GNG7: variants seen among roughly 807,000 people sequenced by gnomAD.
GNG7 encodes the protein G protein subunit gamma 7, also known as guanine nucleotide-binding protein G(I)/G(S)/G(O) subunit gamma-7.
A neutral mutation model predicts 4.0 loss-of-function variants in GNG7; 1 was observed. That is an observed-to-expected ratio of 0.25 (90% CI 0.09 to 1.18). The LOEUF is 1.18. Ranked by LOEUF, GNG7 falls within the 50% of genes most tolerant of loss-of-function variation. The pLI, the probability that GNG7 is intolerant of heterozygous loss-of-function variation, is 0.50. For synonymous variants in GNG7, 34 were observed against 36.9 expected (o/e 0.92, Z 0.29); for missense variants, 86 against 91.9 (o/e 0.94, Z 0.26).
At chr19:2,522,632 G>C (rs1489145861) in intron 3 of GNG7, among the ~76,000 whole-genome samples, 1 of 150,894 alleles carries the variant, frequency 6.6e-6, no homozygotes, top group Non-Finnish European at 1.5e-5. Context: ...GGTGCCTGTA[G>C]TCCCAGCTAC....
intron 3 of GNG7, among the ~76,000 whole-genome samples, chr19:2,529,007 G>A (rs991569107): frequency 3.9e-5 from 6 of 152,332 alleles, no homozygotes; most frequent in East Asian, 3.9e-4. Context: ...CTCACTCCCC[G>A]TGGACTTGCA....
At chr19:2,601,640 T>G (rs566282438) in intron 2 of GNG7, among the ~76,000 whole-genome samples, 41 of 151,990 alleles carry the variant, frequency 2.7e-4, no homozygotes, top group African/African-American at 9.9e-4. Flanking sequence ...AGGCCGGGCA[T>G]GGTGGCTCAC....
intron 1 of GNG7, among the ~76,000 whole-genome samples, chr19:2,695,768 A>G (rs1446643142): frequency 1.3e-5 from 2 of 152,088 alleles, no homozygotes; most frequent in Admixed American, 6.6e-5. Context: ...GTCCTGCTGG[A>G]GCTGGAGAAA....
chr19:2,581,529 A>G (rs975232052), intron 2 of GNG7, among the ~76,000 whole-genome samples: 7 of 152,150 alleles, frequency 4.6e-5, no homozygotes, highest in Non-Finnish European at 1.0e-4. Context: ...CAAACACAGC[A>G]GCAAAGCTGT....
chr19:2,598,433 G>A (rs370759295), intron 2 of GNG7, among the ~76,000 whole-genome samples: 45 of 151,498 alleles, frequency 3.0e-4, no homozygotes, highest in African/African-American at 6.5e-4. Flanking sequence ...CGAGGCGGGC[G>A]GATCACGAGG....
At chr19:2,619,075 T>C (rs1463205719) in intron 2 of GNG7, among the ~76,000 whole-genome samples, 1 of 152,232 alleles carries the variant, frequency 6.6e-6, no homozygotes, top group Non-Finnish European at 1.5e-5. Context: ...TTATAATTGC[T>C]ATTTTAAAAT....
At chr19:2,682,439 C>T (rs893564381) in intron 1 of GNG7, among the ~76,000 whole-genome samples, 1 of 151,300 alleles carries the variant, frequency 6.6e-6, no homozygotes, top group African/African-American at 2.4e-5. Flanking sequence ...CCAAGGCGGG[C>T]GGATCACGAG....
At chr19:2,680,534 G>A (rs957968532) in intron 1 of GNG7, among the ~76,000 whole-genome samples, 1 of 151,178 alleles carries the variant, frequency 6.6e-6, no homozygotes, top group African/African-American at 2.4e-5. Context: ...ACTAACAGTG[G>A]GTTTTTTAGT....
At chr19:2,678,311 TGTTCTG>T (rs1599457785) in intron 1 of GNG7, among the ~76,000 whole-genome samples, 1 of 152,198 alleles carries the variant, frequency 6.6e-6, no homozygotes, top group East Asian at 1.9e-4. Flanking sequence ...ACTTGTAGAA[TGTTCTG>T]GAATCTTCCA....
intron 2 of GNG7, among the ~76,000 whole-genome samples, chr19:2,631,385 G>A (rs1474363426): frequency 6.6e-6 from 1 of 152,228 alleles, no homozygotes; most frequent in Non-Finnish European, 1.5e-5. Flanking sequence ...GTGGTTATGA[G>A]ATGAAATCAG....
At chr19:2,652,453 C>T (rs1234905285) in intron 1 of GNG7, among the ~76,000 whole-genome samples, 1 of 151,910 alleles carries the variant, frequency 6.6e-6, no homozygotes, top group Non-Finnish European at 1.5e-5. Flanking sequence ...AAGCCCGTCT[C>T]TACTAAAAAT....
At chr19:2,615,882 C>T (rs1330023541) in intron 2 of GNG7, among the ~76,000 whole-genome samples, 1 of 152,166 alleles carries the variant, frequency 6.6e-6, no homozygotes, top group Non-Finnish European at 1.5e-5. Flanking sequence ...AGATTGTGCA[C>T]CCACGGCAGC....
chr19:2,520,712 C>T lies in GNG7; in HGVS notation c.-24G>A, dbSNP rs1249275197. The T allele has an allele frequency of 6.3e-6, 9 of 1,437,058 alleles. No individual in the cohort carries two copies. The highest frequency in any genetic ancestry group is 2.0e-5 in the Admixed American group (1 of 50,826). 89.0% of individuals were successfully genotyped at this position (1,437,058 alleles called of 1,614,324 possible). A position where few individuals can be genotyped will look rare whatever the true frequency, so the allele number is the denominator to read the frequency against. On this transcript the variant is annotated 5_prime_UTR_variant, in exon 4 of 5. Coordinates refer to ENST00000382159, the MANE Select transcript of GNG7 (RefSeq NM_052847.3). ...ATTGTCTGCCATCAGCTCTGGGCCC[C>T]GTTGTTCAGAGAGCTGTGGGGGAAG...
At position 2,513,553 on chromosome 19, in the gene GNG7, G is replaced by A. The variant is rs1045360615; in HGVS notation, c.*1469C>T. The A allele has an allele frequency of 9.1e-6, 9 of 985,540 alleles. No individual in the cohort carries two copies. The highest frequency in any genetic ancestry group is 8.7e-5 in the African/African-American group (5 of 57,360). 61.0% of individuals were successfully genotyped at this position (985,540 alleles called of 1,614,324 possible). On this transcript the variant is annotated 3_prime_UTR_variant, in exon 5 of 5. Coordinates refer to ENST00000382159, the MANE Select transcript of GNG7 (RefSeq NM_052847.3). ...ATGACATCTTCGATTTCCACTTGCC[G>A]CTGGGAGGAGTGGCCCATCCTGCGT...
intron 2 of GNG7, among the ~76,000 whole-genome samples, chr19:2,585,099 GGAAGGAAGGAAGGAAAGAAGGTAGGAAT>G (rs1279136345): frequency 2.3e-5 from 3 of 131,778 alleles, no homozygotes; most frequent in East Asian, 2.5e-4. Flanking sequence ...AAGAAAAGAA[GGAAGGAAGGAAGGAAAGAAGGTAGGAAT>G]GAAGGAAGGA....
intron 3 of GNG7, among the ~76,000 whole-genome samples, chr19:2,524,842 C>T (rs1386721291): frequency 1.3e-5 from 2 of 152,160 alleles, no homozygotes; most frequent in Non-Finnish European, 2.9e-5. Context: ...GTGTGTACGT[C>T]ACTGTAGGTG....
chr19:2,652,944 T>C (rs1279915890), intron 1 of GNG7, among the ~76,000 whole-genome samples: 3 of 151,536 alleles, frequency 2.0e-5, no homozygotes, highest in Non-Finnish European at 2.9e-5. Flanking sequence ...CTGGGCAACA[T>C]AGCAAGACCC....
chr19:2,535,542 GT>G (rs755729129), intron 3 of GNG7, among the ~76,000 whole-genome samples: 7 of 151,846 alleles, frequency 4.6e-5, no homozygotes, highest in Non-Finnish European at 1.0e-4. Flanking sequence ...CCAGAACCTG[GT>G]ATATAAATGT....
chr19:2,530,638 T>G (rs1230726895), intron 3 of GNG7, among the ~76,000 whole-genome samples: 2 of 150,890 alleles, frequency 1.3e-5, no homozygotes, highest in Non-Finnish European at 2.9e-5. Flanking sequence ...AACAATCACT[T>G]AAACCCGGGA....
Sources: gnomAD v4.1 joint callset for allele counts (sites outside exome capture counted in the v4.1 genomes callset) on GRCh38, gnomAD v4.1.1 for gene constraint, MANE v1.5 for transcripts, NCBI Gene and HGNC (gene_info 2026-07-23, HGNC 2026-07-21) for gene names.